AGL: variants seen among roughly 807,000 people sequenced by gnomAD.
The protein encoded by AGL is amylo-alpha-1,6-glucosidase and 4-alpha-glucanotransferase.
Under a neutral mutation model 199.3 loss-of-function variants are expected in AGL, and 128 were observed. That is an observed-to-expected ratio of 0.64 (90% CI 0.56 to 0.74). AGL has a LOEUF of 0.74. Ranked by LOEUF, AGL falls within the 30% of genes least tolerant of loss-of-function variation. The probability of loss-of-function intolerance (pLI) is 0.00; values close to 1 mark genes in which losing one functional copy is unlikely to be tolerated. For synonymous variants in AGL, 584 were observed against 594.7 expected (o/e 0.98, Z 0.26); for missense variants, 1,809 against 1,820.8 (o/e 0.99, Z 0.12).
At position 99,865,041 on chromosome 1, in the gene AGL, C is replaced by T. The variant is rs537335453; in HGVS notation, c.664+452C>T. On this transcript the variant is annotated intron_variant, in intron 5 of 33. Coordinates refer to ENST00000361915, the MANE Select transcript of AGL (RefSeq NM_000642.3). The stretch of plus-strand genomic sequence containing the variant: ...TAACATGACAAACTCTCATGCCATC[C>T]TGCTCTATCCCACCTGGAATGTGAC... Among the ~76,000 whole-genome samples, 97 of 152,274 alleles carry T rather than the reference C, an allele frequency of 6.4e-4. 1 individual carries two copies. Among genetic ancestry groups the T allele is most frequent in the African/African-American group, 2.2e-3 (92 of 41,536 alleles).
chr1:99,880,509 G>T, intron 13 of AGL, 123 bp from the exon 14 acceptor site: 2 of 1,168,920 alleles, frequency 1.7e-6, no homozygotes, highest in Non-Finnish European at 2.4e-6. Context: ...AATCCTTAAA[G>T]CAGTTTTATT....
chr1:99,891,839 G>A, intron 23 of AGL, 100 bp downstream of exon 23: 1 of 1,402,758 alleles, frequency 7.1e-7, no homozygotes, highest in Non-Finnish European at 1.0e-6. Context: ...ATAAAGAATT[G>A]TCATAGAACT....
At chr1:99,890,929 A>G (rs1470381298) in intron 21 of AGL, among the ~76,000 whole-genome samples, 12 of 152,154 alleles carry the variant, frequency 7.9e-5, no homozygotes, top group Admixed American at 5.2e-4. Flanking sequence ...TAACATTAAA[A>G]TCCAAAAGAA....
intron 27 of AGL, 136 bp from the exon 28 acceptor site, chr1:99,910,576 A>G (rs1185081203): frequency 3.0e-6 from 1 of 338,768 alleles, no homozygotes; most frequent in Non-Finnish European, 5.0e-6. Context: ...ACAAAATAAT[A>G]AGATACCACC....
rs1651688898 is a variant in AGL at position 99,877,913 on chromosome 1, G to A, written c.1611+85G>A. On this transcript the variant is annotated intron_variant, in intron 12 of 33. Transcript: ENST00000361915. The stretch of plus-strand genomic sequence containing the variant: ...CCTTAAGTAAACTATGCAGGTAAAT[G>A]TTTCCTTTTGCTAGTTGGACACAAG... 25 of 1,347,774 alleles carry A rather than the reference G, an allele frequency of 1.9e-5. 1 individual carries two copies. The highest frequency in any genetic ancestry group is 2.4e-5 in the Non-Finnish European group (23 of 948,678). The allele number at this position is 1,347,774 out of a possible 1,614,324, so 83.5% of individuals were successfully genotyped here. A position where few individuals can be genotyped will look rare whatever the true frequency, so the allele number is the denominator to read the frequency against.
intron 33 of AGL, among the ~76,000 whole-genome samples, chr1:99,918,717 G>C (rs1557796100): frequency 2.0e-5 from 3 of 152,146 alleles, no homozygotes; most frequent in East Asian, 3.9e-4. Flanking sequence ...TTTGAGCTTT[G>C]TTTTGGAATG....
At chr1:99,867,088 G>C (rs1237269601) in intron 5 of AGL, among the ~76,000 whole-genome samples, 2 of 152,092 alleles carry the variant, frequency 1.3e-5, no homozygotes, top group African/African-American at 4.8e-5. Context: ...CAAAGTGCTG[G>C]GATTACAGGC....
In AGL at chr1:99,881,344, T is replaced by C. The variant is rs1482258469; in HGVS notation, c.2054T>C (p.Leu685Ser). ...RFYTKWNPEA[L>S]PSNTGEVNFQ... ...TACACTAAGTGGAATCCTGAAGCAT[T>C]GCCTTCAAACACAGGTGAAGTTAAT... Residue 685 changes from leucine (L) to serine (S), a missense_variant, in exon 16 of 34, where the codon TTG becomes TCG. Leu to Ser is a moderately radical substitution (Grantham distance 145, BLOSUM62 -2). Transcript: ENST00000361915. 1 of 1,614,022 alleles carries C rather than the reference T, an allele frequency of 6.2e-7. No individual in the cohort carries two copies. The highest frequency in any genetic ancestry group is 8.5e-7 in the Non-Finnish European group (1 of 1,180,014).
intron 30 of AGL, 105 bp downstream of exon 30, chr1:99,913,843 T>A: frequency 1.9e-6 from 2 of 1,078,198 alleles, no homozygotes; most frequent in Non-Finnish European, 2.9e-6. Flanking sequence ...TAAAAAGTAG[T>A]ATATTGCTTA....
intron 5 of AGL, among the ~76,000 whole-genome samples, chr1:99,869,969 T>G (rs1217617989): frequency 6.6e-6 from 1 of 152,206 alleles, no homozygotes; most frequent in African/African-American, 2.4e-5. Flanking sequence ...TTCAATGTTG[T>G]AAATATTTGG....
chr1:99,891,275 T>C lies in AGL; in HGVS notation c.2868T>C (p.Phe956=), dbSNP rs746036965. 1.2e-6 allele frequency: 2 copies of C among 1,613,722 alleles called. No individual in the cohort carries two copies. The highest frequency in any genetic ancestry group is 2.2e-5 in the East Asian group (1 of 44,862). The part of the protein sequence containing the change: ...IRPKNDLGHP[F]CNNLRSGDWM... ...CAAAGAATGACTTGGGGCATCCTTT[T>C]TGTAATAATTTGAGATCTGGAGATT... Residue 956 remains phenylalanine (F), a synonymous_variant, in exon 22 of 34, where the codon TTT becomes TTC. Transcript: ENST00000361915.
chr1:99,875,795 C>T (rs1180616574), intron 10 of AGL, among the ~76,000 whole-genome samples: 2 of 151,854 alleles, frequency 1.3e-5, no homozygotes, highest in African/African-American at 4.8e-5. Context: ...AACTAGAGTG[C>T]AGTAAAAGCC....
intron 18 of AGL, 46 bp from the exon 19 acceptor site, chr1:99,884,293 T>A: frequency 1.2e-6 from 2 of 1,612,394 alleles, no homozygotes; most frequent in Non-Finnish European, 8.5e-7. Context: ...TTAAGAACAT[T>A]AGAACTATTT....
intron 7 of AGL, among the ~76,000 whole-genome samples, chr1:99,871,344 A>C (rs1650986762): frequency 6.6e-6 from 1 of 151,804 alleles, no homozygotes; most frequent in Admixed American, 6.6e-5. Context: ...CCAGATATTG[A>C]CGAGATAACA....
chr1:99,874,795 C>T lies in AGL; in HGVS notation c.1067C>T (p.Thr356Ile). ...CTVDMNIALTTFIPHDKGPAA... is the reference protein window; with the variant it reads ...CTVDMNIALTIFIPHDKGPAA... ...GTAGATATGAACATTGCACTAACGACTTTCATACCACATGAGTATGTAATG... is the reference window on the plus strand; with the variant it reads ...GTAGATATGAACATTGCACTAACGATTTTCATACCACATGAGTATGTAATG... Residue 356 changes from threonine (T) to isoleucine (I), a missense_variant, in exon 8 of 34, where the codon ACT (threonine) becomes ATT (isoleucine). Physicochemically the swap from Thr to Ile is moderately conservative, Grantham distance 89. Transcript: ENST00000361915. 6.2e-7 allele frequency: 1 copy of T among 1,612,912 alleles called. No homozygotes were observed. The highest frequency in any genetic ancestry group is 8.5e-7 in the Non-Finnish European group (1 of 1,179,346).
chr1:99,882,786 GTTGA>G (rs1259248515), intron 17 of AGL, among the ~76,000 whole-genome samples: 1 of 152,170 alleles, frequency 6.6e-6, no homozygotes, highest in Non-Finnish European at 1.5e-5. Flanking sequence ...GGCAAAGTTT[GTTGA>G]TTGATTGACC....
rs529470039 is a variant in AGL at position 99,861,787 on chromosome 1, G to A, written c.293+74G>A. Reference sequence around the variant, plus strand: ...ATTTGAAGTCACCTAACTTGTAAATGTTACTGTATGAACCATGGCAGTGCA... The same window carrying A: ...ATTTGAAGTCACCTAACTTGTAAATATTACTGTATGAACCATGGCAGTGCA... On this transcript the variant is annotated intron_variant, in intron 3 of 33. Coordinates refer to ENST00000361915, the MANE Select transcript of AGL (RefSeq NM_000642.3). The A allele has an allele frequency of 4.6e-6, 7 of 1,526,098 alleles. No homozygotes were observed. The South Asian group carries it at 5.7e-5, about 12-fold the overall frequency. 94.5% of individuals were successfully genotyped at this position (1,526,098 alleles called of 1,614,324 possible).
At chr1:99,870,333 AAACTT>A (rs779068921) in intron 5 of AGL, 62 bp from the exon 6 acceptor site, 5 of 1,505,864 alleles carry the variant, frequency 3.3e-6, no homozygotes, top group Non-Finnish European at 3.7e-6. Context: ...TTTCACCTCT[AAACTT>A]AACATAGATA....
chr1:99,895,616 A>T (rs1570471330), intron 24 of AGL, among the ~76,000 whole-genome samples: 1 of 152,116 alleles, frequency 6.6e-6, no homozygotes, highest in East Asian at 1.9e-4. Context: ...TAAATATATA[A>T]TTAATATTTA....
Sources: gnomAD v4.1 joint callset for allele counts (sites outside exome capture counted in the v4.1 genomes callset) on GRCh38, gnomAD v4.1.1 for gene constraint, MANE v1.5 for transcripts, NCBI Gene and HGNC (gene_info 2026-07-23, HGNC 2026-07-21) for gene names.